Variants in ZNF778 observed in about 807,000 individuals in gnomAD.
ZNF778 encodes zinc finger protein 778.
ZNF778 carries 37 observed loss-of-function variants against 23.9 expected under a neutral mutation model. The observed-to-expected ratio is 1.54, with a 90% CI of 1.19 to 2.03. The LOEUF is 2.03. Ranked by LOEUF, ZNF778 falls within the 30% of genes most tolerant of loss-of-function variation. The pLI, the probability that ZNF778 is intolerant of heterozygous loss-of-function variation, is 0.00. For synonymous variants in ZNF778, 483 were observed against 343.9 expected, an observed-to-expected ratio of 1.40 and a Z score of -4.48; for missense variants, 1,297 against 934.4, an observed-to-expected ratio of 1.39 and a Z score of -5.06.
rs1465299058 is a variant in ZNF778 at position 89,228,600 on chromosome 16, C to T, written c.*38C>T. On this transcript the variant is annotated 3_prime_UTR_variant, in exon 7 of 7. Transcript: ENST00000433976. ...GGGGAAGCTGTCAGCTACACTCATT[C>T]ACGTTGAAGACATGAAAGACCTCTC... 2.0e-6 allele frequency: 3 copies of T among 1,533,380 alleles called. No homozygotes were observed. Among genetic ancestry groups the T allele is most frequent in the Non-Finnish European group, 2.6e-6 (3 of 1,146,840 alleles). The allele number at this position is 1,533,380 out of a possible 1,614,324, so 95.0% of individuals were successfully genotyped here. A position where few individuals can be genotyped will look rare whatever the true frequency, so the allele number is the denominator to read the frequency against.
chr16:89,220,396 G>T (rs902855348), intron 1 of ZNF778, among the ~76,000 whole-genome samples: 1 of 152,186 alleles, frequency 6.6e-6, no homozygotes, highest in Non-Finnish European at 1.5e-5. Context: ...GGTGGCTCAC[G>T]CCTGTAATCT....
chr16:89,221,030 G>A lies in ZNF778; in HGVS notation c.-98G>A, dbSNP rs906249959. ...GATCCAGCCATCCGTGGGTCAGGAGGAATGGAGACTGTACCTTCCACATAG... is the reference window on the plus strand; with the variant it reads ...GATCCAGCCATCCGTGGGTCAGGAGAAATGGAGACTGTACCTTCCACATAG... On this transcript the variant is annotated 5_prime_UTR_variant, in exon 2 of 7. Transcript: ENST00000433976. 1.2e-4 allele frequency: 168 copies of A among 1,367,906 alleles called. 1 individual carries two copies. In the South Asian group the frequency reaches 2.0e-3, roughly 16 times the overall value. 84.7% of individuals were successfully genotyped at this position (1,367,906 alleles called of 1,614,324 possible). A position where few individuals can be genotyped will look rare whatever the true frequency, so the allele number is the denominator to read the frequency against.
chr16:89,225,749 G>T, intron 6 of ZNF778, 118 bp downstream of exon 6: 2 of 927,998 alleles, frequency 2.2e-6, no homozygotes, highest in Non-Finnish European at 1.6e-6. Context: ...TCAGGCAGGG[G>T]TTGTCTGTAG....
Position 89,236,769 on chromosome 16 carries a change from T to G in ZNF778, c.*8207T>G, listed in dbSNP as rs2151644138. 6.6e-6 allele frequency: 1 copy of G among 152,348 alleles called. No individual in the cohort carries two copies. 9.4% of individuals were successfully genotyped at this position (152,348 alleles called of 1,614,324 possible). A position where few individuals can be genotyped will look rare whatever the true frequency, so the allele number is the denominator to read the frequency against. ...ACTGGAAAAGCTAAGTCTGTATATT[T>G]TAATTACTAAAGAAGTGTACAGCTG... On this transcript the variant is annotated 3_prime_UTR_variant, in exon 7 of 7. Transcript: ENST00000433976.
intron 1 of ZNF778, among the ~76,000 whole-genome samples, chr16:89,219,368 G>A (rs1317554653): frequency 6.6e-6 from 1 of 152,190 alleles, no homozygotes; most frequent in East Asian, 1.9e-4. Flanking sequence ...CTATGAACTT[G>A]TAATTGAATT....
In ZNF778 at chr16:89,232,560, C is replaced by A; in HGVS notation, c.*3998C>A. 9.0e-7 allele frequency: 1 copy of A among 1,112,054 alleles called. No homozygotes were observed. Among genetic ancestry groups the A allele is most frequent in the African/African-American group, 1.6e-5 (1 of 60,944 alleles). The allele number at this position is 1,112,054 out of a possible 1,614,324, so 68.9% of individuals were successfully genotyped here. A position where few individuals can be genotyped will look rare whatever the true frequency, so the allele number is the denominator to read the frequency against. On this transcript the variant is annotated 3_prime_UTR_variant, in exon 7 of 7. Transcript: ENST00000433976. The stretch of plus-strand genomic sequence containing the variant: ...TGTCACTTAGGGCAACTTATGCCCT[C>A]CTGTGTGAAAATCTCCACTCCCAAT...
rs763120738 is a variant in ZNF778 at position 89,232,527 on chromosome 16, G to A, written c.*3965G>A. ...TATTTCTCTTCCTAACTCTCAGAAC[G>A]TGTTCTGTGTCACTTAGGGCAACTT... On this transcript the variant is annotated 3_prime_UTR_variant, in exon 7 of 7. Transcript: ENST00000433976. 19 of 762,740 alleles carry A rather than the reference G, an allele frequency of 2.5e-5. No individual in the cohort carries two copies. Among genetic ancestry groups the A allele is most frequent in the Non-Finnish European group, 3.1e-5 (17 of 554,862 alleles). The allele number at this position is 762,740 out of a possible 1,614,324, so 47.2% of individuals were successfully genotyped here.
Position 89,230,995 on chromosome 16 carries a change from A to G in ZNF778, c.*2433A>G, listed in dbSNP as rs1169500266. The G allele has an allele frequency of 6.6e-6, 1 of 151,878 alleles. No individual in the cohort carries two copies. The allele number at this position is 151,878 out of a possible 1,614,324, so 9.4% of individuals were successfully genotyped here. On this transcript the variant is annotated 3_prime_UTR_variant, in exon 7 of 7. Coordinates refer to ENST00000433976, the MANE Select transcript of ZNF778 (RefSeq NM_001201407.2). ...TGCACCTTCCTGTCACATGTTTGAAATCCTGGATGGACAGACCTGTGCACC... is the reference window on the plus strand; with the variant it reads ...TGCACCTTCCTGTCACATGTTTGAAGTCCTGGATGGACAGACCTGTGCACC...
In ZNF778 at chr16:89,228,913, A is replaced by G; in HGVS notation, c.*351A>G. ...GAGAATTGTTGGGAAGTCATTTTTT[A>G]CATTACATCTTTCCTCACCCTTTAG... On this transcript the variant is annotated 3_prime_UTR_variant, in exon 7 of 7. Transcript: ENST00000433976. 2.0e-6 allele frequency: 2 copies of G among 1,016,632 alleles called. No homozygotes were observed. Among genetic ancestry groups the G allele is most frequent in the South Asian group, 8.8e-5 (2 of 22,714 alleles). 63.0% of individuals were successfully genotyped at this position (1,016,632 alleles called of 1,614,324 possible).
In ZNF778 at chr16:89,236,854, T is replaced by G. The variant is rs1203603110; in HGVS notation, c.*8292T>G. 6.6e-6 allele frequency: 1 copy of G among 152,200 alleles called. No homozygotes were observed. Among genetic ancestry groups the G allele is most frequent in the Non-Finnish European group, 1.5e-5 (1 of 68,082 alleles). The allele number at this position is 152,200 out of a possible 1,614,324, so 9.4% of individuals were successfully genotyped here. ...TGGGAGAGTGAGGTGGGTGGATCAC[T>G]TGAGGTCAGGAGTTTGAGACCAGCT... On this transcript the variant is annotated 3_prime_UTR_variant, in exon 7 of 7. Coordinates refer to ENST00000433976, the MANE Select transcript of ZNF778 (RefSeq NM_001201407.2).
rs146630180 is a variant in ZNF778, at chr16:89,223,609, G to T, written c.244+326G>T. Among the ~76,000 whole-genome samples, 1,025 of 152,234 alleles carry T rather than the reference G, an allele frequency of 6.7e-3. 14 individuals are homozygous for T. The highest frequency in any genetic ancestry group is 4.7e-3 in the Non-Finnish European group (323 of 68,010). On this transcript the variant is annotated intron_variant, in intron 4 of 6. Transcript: ENST00000433976. ...TTCACTCTAACACTGAGAACCACTGGGTAGTAGTTTCCCAAGTGAATGAAG... is the reference window on the plus strand; with the variant it reads ...TTCACTCTAACACTGAGAACCACTGTGTAGTAGTTTCCCAAGTGAATGAAG...
At chr16:89,224,851 G>A in intron 5 of ZNF778, 49 bp downstream of exon 5, 1 of 1,305,332 alleles carries the variant, frequency 7.7e-7, no homozygotes, top group Non-Finnish European at 1.1e-6. Flanking sequence ...GCAGCTGTGG[G>A]AGGATCCTGA....
Position 89,228,944 on chromosome 16 carries a change from G to C in ZNF778, c.*382G>C, listed in dbSNP as rs887192130. 3.0e-6 allele frequency: 3 copies of C among 1,004,984 alleles called. No individual in the cohort carries two copies. The highest frequency in any genetic ancestry group is 3.5e-5 in the African/African-American group (2 of 57,602). The allele number at this position is 1,004,984 out of a possible 1,614,324, so 62.3% of individuals were successfully genotyped here. On this transcript the variant is annotated 3_prime_UTR_variant, in exon 7 of 7. Coordinates refer to ENST00000433976, the MANE Select transcript of ZNF778 (RefSeq NM_001201407.2). ...CATCTTTCCTCACCCTTTAGTAAAC[G>C]TGGTGATTGACACTTGAAGTGTTGT... is the stretch of plus-strand genomic sequence containing the variant.
chr16:89,219,344 T>C (rs1337874874), intron 1 of ZNF778, among the ~76,000 whole-genome samples: 1 of 152,182 alleles, frequency 6.6e-6, no homozygotes, highest in African/African-American at 2.4e-5. Flanking sequence ...TATTCCTCCA[T>C]TTCTTGCTGC....
rs576577420 is a variant in ZNF778, at chr16:89,220,199, C to T, written c.-131-798C>T. ...TCTTTTAGCCCAAAGACCTCGCCCCCGCCGACACCTAGTAGTAAGTACAGT... is the reference window on the plus strand; with the variant it reads ...TCTTTTAGCCCAAAGACCTCGCCCCTGCCGACACCTAGTAGTAAGTACAGT... On this transcript the variant is annotated intron_variant, in intron 1 of 6. Coordinates refer to ENST00000433976, the MANE Select transcript of ZNF778 (RefSeq NM_001201407.2). 6.1e-4 allele frequency among the ~76,000 whole-genome samples: 93 copies of T among 152,300 alleles called. No homozygotes were observed. The South Asian group carries it at 0.013, about 21-fold the overall frequency.
chr16:89,225,597 G>A lies in ZNF778; in HGVS notation c.371G>A (p.Arg124Lys). The part of the protein sequence containing the change: ...KTKGPALRQD[R>K]SWFRASNETQ... ...AAAGGGCCAGCACTTCGGCAGGATA[G>A]ATCTTGGTTCAGAGCATCAAATGAG... Residue 124 changes from arginine (R) to lysine (K), a missense_variant, in exon 6 of 7, where the codon AGA becomes AAA. By Grantham distance (26) the Arg-to-Lys change is conservative (BLOSUM62 2). Transcript: ENST00000433976. The A allele has an allele frequency of 1.2e-6, 2 of 1,612,754 alleles. No homozygotes were observed. Among genetic ancestry groups the A allele is most frequent in the Non-Finnish European group, 8.5e-7 (1 of 1,179,266 alleles).
Position 89,227,426 on chromosome 16 carries a change from C to G in ZNF778, c.1138C>G (p.Leu380Val), listed in dbSNP as rs746387104. ...GAAAGCCTGCGGTGGGTTTTATCTACTGAATGAGCATGGAAAAACTCACAC... is the reference window on the plus strand; with the variant it reads ...GAAAGCCTGCGGTGGGTTTTATCTAGTGAATGAGCATGGAAAAACTCACAC... Reference protein sequence around the residue: ...CGKACGGFYLLNEHGKTHTRE... With the variant: ...CGKACGGFYLVNEHGKTHTRE... The change falls in exon 7 of 7, where the codon CTG (leucine) becomes GTG (valine). Residue 380 changes from leucine to valine, a missense_variant. Leu to Val is a conservative substitution (Grantham distance 32). Coordinates refer to ENST00000433976, the MANE Select transcript of ZNF778 (RefSeq NM_001201407.2). 12 of 1,613,814 alleles carry G rather than the reference C, an allele frequency of 7.4e-6. No individual in the cohort carries two copies. The Admixed American group carries it at 8.3e-5, about 11-fold the overall frequency.
At position 89,231,009 on chromosome 16, in the gene ZNF778, G is replaced by C. The variant is rs1038955251; in HGVS notation, c.*2447G>C. ...ACATGTTTGAAATCCTGGATGGACAGACCTGTGCACCTTCATGTCACGTGT... is the reference window on the plus strand; with the variant it reads ...ACATGTTTGAAATCCTGGATGGACACACCTGTGCACCTTCATGTCACGTGT... On this transcript the variant is annotated 3_prime_UTR_variant, in exon 7 of 7. Coordinates refer to ENST00000433976, the MANE Select transcript of ZNF778 (RefSeq NM_001201407.2). The C allele has an allele frequency of 3.3e-5, 4 of 123,066 alleles. No individual in the cohort carries two copies. The highest frequency in any genetic ancestry group is 1.5e-4 in the African/African-American group (4 of 26,680). 7.6% of individuals were successfully genotyped at this position (123,066 alleles called of 1,614,324 possible). A position where few individuals can be genotyped will look rare whatever the true frequency, so the allele number is the denominator to read the frequency against.
In ZNF778 at chr16:89,227,860, G is replaced by A. The variant is rs866427490; in HGVS notation, c.1572G>A (p.Met524Ile). Residue 524 changes from methionine to isoleucine, a missense_variant, in exon 7 of 7, where the codon ATG (methionine) becomes ATA (isoleucine). Transcript: ENST00000433976. ...GGCGCTCAGGCCTCACTAAACACAT[G>A]CGGACACACACCGGGGAGAAGCCCT... ...FTGRSGLTKH[M>I]RTHTGEKPYE... is the part of the protein sequence containing the mutation. The A allele has an allele frequency of 6.2e-7, 1 of 1,613,608 alleles. No homozygotes were observed. The highest frequency in any genetic ancestry group is 8.5e-7 in the Non-Finnish European group (1 of 1,179,874).
Sources: allele counts gnomAD v4.1 joint callset (sites outside exome capture counted in the v4.1 genomes callset), GRCh38; gene constraint gnomAD v4.1.1; transcripts MANE v1.5; gene names NCBI Gene and HGNC (gene_info 2026-07-23, HGNC 2026-07-21).